The following DIP2C variants were observed in gnomAD, a reference collection of about 807,000 sequenced individuals.
DIP2C encodes DIP2 acetate--CoA ligase C (putative).
A neutral mutation model predicts 192.4 loss-of-function variants in DIP2C; 33 were observed. The ratio of observed to expected loss-of-function variants is 0.17; its 90% CI spans 0.13 to 0.23. DIP2C has a LOEUF of 0.23. Among genes scored for constraint, DIP2C ranks in the 10% least tolerant of loss-of-function variants. DIP2C has a pLI of 1.00. For missense variants in DIP2C, 1,537 were observed against 2,110.1 expected (o/e 0.73, Z 5.32); for synonymous variants, 979 against 864.1 (o/e 1.13, Z -2.33).
intron 10 of DIP2C, among the ~76,000 whole-genome samples, chr10:392,377 C>T (rs142062841): frequency 7.2e-5 from 11 of 152,286 alleles, no homozygotes; most frequent in Non-Finnish European, 1.5e-4. Flanking sequence ...GCCAACCTTT[C>T]GCTAAACCCT....
intron 1 of DIP2C, among the ~76,000 whole-genome samples, chr10:539,655 G>A (rs1847873834): frequency 6.6e-6 from 1 of 152,202 alleles, no homozygotes; most frequent in African/African-American, 2.4e-5. Flanking sequence ...TTATTTGGAA[G>A]TCGTTCCTGG....
intron 1 of DIP2C, among the ~76,000 whole-genome samples, chr10:511,376 TAAAGGA>T (rs1846000946): frequency 6.6e-6 from 1 of 152,222 alleles, no homozygotes; most frequent in Non-Finnish European, 1.5e-5. Flanking sequence ...TCCATGTCGT[TAAAGGA>T]AAACTTCTGT....
chr10:401,012 T>C (rs1287057538), intron 9 of DIP2C, among the ~76,000 whole-genome samples: 4 of 130,534 alleles, frequency 3.1e-5, no homozygotes, highest in Non-Finnish European at 4.9e-5. Flanking sequence ...ACATGAATCC[T>C]GTGATTTTAC....
Position 414,739 on chromosome 10 carries a change from G to GTGTGTGTGTATATATATATA in DIP2C, c.860-630_860-629insTATATATATATACACACACA. 1.6e-3 allele frequency among the ~76,000 whole-genome samples: 147 copies of GTGTGTGTGTATATATATATA among 90,530 alleles called. 4 individuals are homozygous for GTGTGTGTGTATATATATATA. The highest frequency in any genetic ancestry group is 3.7e-3 in the African/African-American group (82 of 22,232). 59.4% of individuals were successfully genotyped at this position (90,530 alleles called of 152,430 possible). A position where few individuals can be genotyped will look rare whatever the true frequency, so the allele number is the denominator to read the frequency against. On this transcript the variant is annotated intron_variant, in intron 7 of 36. Coordinates refer to ENST00000280886, the MANE Select transcript of DIP2C (RefSeq NM_014974.3). Reference sequence around the variant, plus strand: ...TGTGTGTGTGTGTGTGTGTGTGTGTGTACATATATATATATATAATGTGTA... The same window carrying GTGTGTGTGTATATATATATA: ...TGTGTGTGTGTGTGTGTGTGTGTGTGTGTGTGTGTATATATATATATACATATATATATATATAATGTGTA...
intron 1 of DIP2C, among the ~76,000 whole-genome samples, chr10:535,951 C>T (rs1847670225): frequency 6.6e-6 from 1 of 152,242 alleles, no homozygotes; most frequent in Non-Finnish European, 1.5e-5. Flanking sequence ...CTCCCGTAAG[C>T]TTCCATCCTG....
intron 1 of DIP2C, among the ~76,000 whole-genome samples, chr10:534,302 A>G (rs994421231): frequency 2.0e-5 from 3 of 152,104 alleles, no homozygotes; most frequent in African/African-American, 4.8e-5. Context: ...GCGCCTTCCC[A>G]CTCCTCTTCC....
At chr10:339,955 C>T (rs1019040467) in intron 29 of DIP2C, among the ~76,000 whole-genome samples, 1 of 152,102 alleles carries the variant, frequency 6.6e-6, no homozygotes, top group Non-Finnish European at 1.5e-5. Context: ...GCGAGGCGGG[C>T]AGATCACTTG....
chr10:503,080 G>A (rs1424280893), intron 1 of DIP2C, among the ~76,000 whole-genome samples: 2 of 151,118 alleles, frequency 1.3e-5, no homozygotes, highest in Admixed American at 6.6e-5. Context: ...CCGCCAAGAC[G>A]CCTACCTGCA....
intron 1 of DIP2C, among the ~76,000 whole-genome samples, chr10:575,136 C>T (rs1016261468): frequency 1.3e-5 from 2 of 152,142 alleles, no homozygotes; most frequent in Non-Finnish European, 2.9e-5. Flanking sequence ...CTCAACTTTA[C>T]CTTCGCCAAA....
At chr10:361,416 C>CGGTCA in intron 22 of DIP2C, among the ~76,000 whole-genome samples, 1 of 152,268 alleles carries the variant, frequency 6.6e-6, no homozygotes, top group Admixed American at 6.5e-5. Flanking sequence ...TGGGTTTTCC[C>CGGTCA]GGTCACTGGG....
At chr10:621,980 A>G (rs1378103904) in intron 1 of DIP2C, among the ~76,000 whole-genome samples, 1 of 151,610 alleles carries the variant, frequency 6.6e-6, no homozygotes, top group Non-Finnish European at 1.5e-5. Context: ...TCTTTTTTTT[A>G]ATGCTCTACC....
chr10:336,121 C>CA (rs1957757723), intron 29 of DIP2C, among the ~76,000 whole-genome samples: 1 of 152,126 alleles, frequency 6.6e-6, no homozygotes, highest in South Asian at 2.1e-4. Context: ...ATAATTCCAA[C>CA]ACTTTGGGAG....
chr10:495,137 T>C lies in DIP2C; in HGVS notation c.86-8607A>G, dbSNP rs562361091. 1.7e-4 allele frequency among the ~76,000 whole-genome samples: 26 copies of C among 152,252 alleles called. 1 individual carries two copies. Among genetic ancestry groups the C allele is most frequent in the Middle Eastern group, 6.8e-3 (2 of 294 alleles). ...AATAAAACAGGCACAGAAATACAAA[T>C]ACTGCATGATCTCACTTACATGTGG... On this transcript the variant is annotated intron_variant, in intron 1 of 36. Transcript: ENST00000280886.
At chr10:386,752 A>G (rs1221336611) in intron 14 of DIP2C, among the ~76,000 whole-genome samples, 2 of 152,230 alleles carry the variant, frequency 1.3e-5, no homozygotes, top group Non-Finnish European at 2.9e-5. Flanking sequence ...CTCATGTGAC[A>G]ACTCCTAGAA....
intron 1 of DIP2C, among the ~76,000 whole-genome samples, chr10:566,674 C>T (rs1849484758): frequency 6.6e-6 from 1 of 152,256 alleles, no homozygotes; most frequent in Admixed American, 6.5e-5. Context: ...TTTCTTGGGT[C>T]TCTCGCCATG....
chr10:573,707 CTTT>C (rs574697446), intron 1 of DIP2C, among the ~76,000 whole-genome samples: 1 of 150,890 alleles, frequency 6.6e-6, no homozygotes, highest in Non-Finnish European at 1.5e-5. Flanking sequence ...ATCACGCCGG[CTTT>C]TTTTTTCCTC....
chr10:335,758 C>CA (rs1957732542), intron 29 of DIP2C, among the ~76,000 whole-genome samples: 1 of 152,228 alleles, frequency 6.6e-6, no homozygotes, highest in Admixed American at 6.5e-5. Context: ...CAGGCTTTTC[C>CA]ACCATGAAGA....
intron 3 of DIP2C, among the ~76,000 whole-genome samples, chr10:450,181 C>T: frequency 6.6e-6 from 1 of 152,202 alleles, no homozygotes; most frequent in East Asian, 1.9e-4. Context: ...CCCACGTAGA[C>T]ATTCGGCATT....
chr10:544,485 T>C (rs1848176195), intron 1 of DIP2C, among the ~76,000 whole-genome samples: 1 of 152,250 alleles, frequency 6.6e-6, no homozygotes, highest in Admixed American at 6.5e-5. Flanking sequence ...AGTGATTTTA[T>C]GCTTAACTTT....
Sources: gnomAD v4.1 joint callset for allele counts (sites outside exome capture counted in the v4.1 genomes callset) on GRCh38, gnomAD v4.1.1 for gene constraint, MANE v1.5 for transcripts, NCBI Gene and HGNC (gene_info 2026-07-23, HGNC 2026-07-21) for gene names.